Variants in CCSER1 observed in about 807,000 individuals in gnomAD.
CCSER1 encodes the protein coiled-coil serine rich protein 1, also known as serine-rich coiled-coil domain-containing protein 1.
A neutral mutation model predicts 82.0 loss-of-function variants in CCSER1; 41 were observed. The observed-to-expected ratio is 0.50, with a 90% CI of 0.39 to 0.65. CCSER1 has a LOEUF of 0.65. Among genes scored for constraint, CCSER1 ranks in the 30% least tolerant of loss-of-function variants. The pLI is 0.00. For synonymous variants in CCSER1, 414 were observed against 383.9 expected (o/e 1.08, Z -0.92); for missense variants, 1,119 against 1,064.2 (o/e 1.05, Z -0.72).
chr4:91,160,218 C>A (rs1438942483), intron 10 of CCSER1, among the ~76,000 whole-genome samples: 1 of 152,180 alleles, frequency 6.6e-6, no homozygotes, highest in Admixed American at 6.6e-5. Context: ...CTACAAAGGA[C>A]ATGAACTCAT....
chr4:91,457,925 T>C (rs1756284230), intron 10 of CCSER1, among the ~76,000 whole-genome samples: 2 of 152,160 alleles, frequency 1.3e-5, no homozygotes, highest in South Asian at 4.1e-4. Flanking sequence ...GTGTATGATA[T>C]ATGATGTCAG....
intron 10 of CCSER1, among the ~76,000 whole-genome samples, chr4:91,386,826 C>A (rs913735746): frequency 6.6e-6 from 1 of 151,772 alleles, no homozygotes; most frequent in Non-Finnish European, 1.5e-5. Context: ...GAGCAAACAC[C>A]AGACAAACTC....
chr4:90,892,256 T>TGGCA (rs1723068581), intron 8 of CCSER1, among the ~76,000 whole-genome samples: 32 of 151,970 alleles, frequency 2.1e-4, no homozygotes, highest in Admixed American at 2.1e-3. Flanking sequence ...GCAGTAGACC[T>TGGCA]TTAATTTTAC....
In CCSER1 at chr4:90,308,581, T is replaced by C; in HGVS notation, c.297T>C (p.Asn99=). The C allele has an allele frequency of 2.5e-6, 4 of 1,613,880 alleles. No homozygotes were observed. Among genetic ancestry groups the C allele is most frequent in the Non-Finnish European group, 3.4e-6 (4 of 1,179,848 alleles). Residue 99 remains asparagine, a synonymous_variant, in exon 2 of 11, where the codon AAT becomes AAC. Coordinates refer to ENST00000509176, the MANE Select transcript of CCSER1 (RefSeq NM_001145065.2). The stretch of plus-strand genomic sequence containing the variant: ...ATGGTGCTCAACCTGGTCACAGCAA[T>C]ATGCAGAAACTGAGTTTGGAAGAAC... The part of the protein sequence containing the change: ...ISNGAQPGHS[N]MQKLSLEEHI...
At chr4:90,748,482 T>A (rs1200355992) in intron 7 of CCSER1, among the ~76,000 whole-genome samples, 1 of 149,416 alleles carries the variant, frequency 6.7e-6, no homozygotes, top group Admixed American at 6.7e-5. Flanking sequence ...TTGTGAATAA[T>A]GCCACAATAA....
At chr4:91,454,769 A>T (rs2149423529) in intron 10 of CCSER1, among the ~76,000 whole-genome samples, 1 of 152,046 alleles carries the variant, frequency 6.6e-6, no homozygotes, top group East Asian at 1.9e-4. Context: ...AACTAACAAC[A>T]TCTAATTAAG....
intron 7 of CCSER1, among the ~76,000 whole-genome samples, chr4:90,735,984 A>G (rs1397470428): frequency 2.0e-5 from 3 of 152,072 alleles, no homozygotes; most frequent in Admixed American, 6.6e-5. Context: ...TCAGAAGCAT[A>G]TTGTTTAATT....
intron 6 of CCSER1, among the ~76,000 whole-genome samples, chr4:90,653,961 G>A (rs1403946864): frequency 6.6e-6 from 1 of 152,110 alleles, no homozygotes; most frequent in African/African-American, 2.4e-5. Flanking sequence ...GAGGAAGCAA[G>A]AACCTTCTTT....
At chr4:90,704,155 T>G (rs1738789335) in intron 6 of CCSER1, among the ~76,000 whole-genome samples, 1 of 152,222 alleles carries the variant, frequency 6.6e-6, no homozygotes, top group South Asian at 2.1e-4. Context: ...AGGAGCTCTT[T>G]TAGGGCAGGC....
At chr4:91,386,605 T>G (rs1321476444) in intron 10 of CCSER1, among the ~76,000 whole-genome samples, 1 of 152,200 alleles carries the variant, frequency 6.6e-6, no homozygotes, top group Non-Finnish European at 1.5e-5. Context: ...CGGAGCATGG[T>G]TTAAAGTGTC....
At chr4:90,853,401 A>C (rs895870886) in intron 8 of CCSER1, among the ~76,000 whole-genome samples, 1 of 152,200 alleles carries the variant, frequency 6.6e-6, no homozygotes, top group African/African-American at 2.4e-5. Flanking sequence ...AATTCGTTTT[A>C]GTGATTAATA....
At chr4:90,701,298 G>A (rs1168191429) in intron 6 of CCSER1, among the ~76,000 whole-genome samples, 2 of 152,090 alleles carry the variant, frequency 1.3e-5, no homozygotes, top group Non-Finnish European at 2.9e-5. Flanking sequence ...GGTTGTAGAT[G>A]TGTGGTATTA....
At chr4:91,577,193 G>A (rs1292187388) in intron 10 of CCSER1, among the ~76,000 whole-genome samples, 1 of 151,714 alleles carries the variant, frequency 6.6e-6, no homozygotes, top group Non-Finnish European at 1.5e-5. Context: ...GAGATTATCT[G>A]CTTAGCTCAA....
intron 10 of CCSER1, among the ~76,000 whole-genome samples, chr4:91,507,478 G>C (rs1434915090): frequency 1.3e-5 from 2 of 151,876 alleles, no homozygotes; most frequent in East Asian, 1.9e-4. Flanking sequence ...GCCCTGGCTG[G>C]AGTGCAGTGA....
At chr4:90,843,841 C>T (rs1762862109) in intron 8 of CCSER1, among the ~76,000 whole-genome samples, 1 of 152,022 alleles carries the variant, frequency 6.6e-6, no homozygotes, top group Non-Finnish European at 1.5e-5. Flanking sequence ...TTTCTTTGTT[C>T]TGTAATTATT....
In CCSER1 at chr4:91,343,791, T is replaced by G. The variant is rs1057019197; in HGVS notation, c.2218-254781T>G. 2.6e-5 allele frequency among the ~76,000 whole-genome samples: 4 copies of G among 152,304 alleles called. No individual in the cohort carries two copies. In the East Asian group the frequency reaches 5.8e-4, roughly 22 times the overall value. Reference sequence around the variant, plus strand: ...CAGACAATACGATCTATGTAAAATTTAACAATATTGGTCTGTTTTCATGGT... The same window carrying G: ...CAGACAATACGATCTATGTAAAATTGAACAATATTGGTCTGTTTTCATGGT... On this transcript the variant is annotated intron_variant, in intron 10 of 10. Coordinates refer to ENST00000509176, the MANE Select transcript of CCSER1 (RefSeq NM_001145065.2).
At chr4:91,465,117 T>C (rs954813369) in intron 10 of CCSER1, among the ~76,000 whole-genome samples, 4 of 152,146 alleles carry the variant, frequency 2.6e-5, no homozygotes, top group African/African-American at 7.2e-5. Flanking sequence ...AAAGCACTCC[T>C]CAGCAAATGG....
At chr4:90,144,250 T>C (rs1417997121) in intron 1 of CCSER1, among the ~76,000 whole-genome samples, 1 of 150,942 alleles carries the variant, frequency 6.6e-6, no homozygotes, top group South Asian at 2.1e-4. Flanking sequence ...AATGTTTATA[T>C]TCTTGCCAGG....
intron 6 of CCSER1, among the ~76,000 whole-genome samples, chr4:90,692,846 T>C (rs1255664257): frequency 6.6e-6 from 1 of 151,996 alleles, no homozygotes; most frequent in African/African-American, 2.4e-5. Context: ...AAGATGTATT[T>C]TATTTTGCTC....
Sources: allele counts gnomAD v4.1 joint callset (sites outside exome capture counted in the v4.1 genomes callset), GRCh38; gene constraint gnomAD v4.1.1; transcripts MANE v1.5; gene names NCBI Gene and HGNC (gene_info 2026-07-23, HGNC 2026-07-21).